The following SPECC1 variants were observed in gnomAD, a reference collection of about 807,000 sequenced individuals.
SPECC1 encodes sperm antigen with calponin homology and coiled-coil domains 1.
Under a neutral mutation model 104.1 loss-of-function variants are expected in SPECC1, and 62 were observed. That is an observed-to-expected ratio of 0.60 (90% CI 0.49 to 0.74). SPECC1 has a LOEUF of 0.74. Ranked by LOEUF, SPECC1 falls within the 30% of genes least tolerant of loss-of-function variation. The pLI, the probability that SPECC1 is intolerant of heterozygous loss-of-function variation, is 0.00. For missense variants in SPECC1, 1,306 were observed against 1,310.5 expected (o/e 1.00, Z 0.05); for synonymous variants, 513 against 501.6 (o/e 1.02, Z -0.30).
intron 3 of SPECC1, among the ~76,000 whole-genome samples, chr17:20,163,900 A>G (rs2033402978): frequency 6.6e-6 from 1 of 152,192 alleles, no homozygotes; most frequent in African/African-American, 2.4e-5. Flanking sequence ...TGTAGATGCA[A>G]GCTTTCCAAT....
intron 14 of SPECC1, 54 bp downstream of exon 14, chr17:20,306,136 T>G: frequency 6.5e-6 from 10 of 1,527,250 alleles, no homozygotes; most frequent in Non-Finnish European, 9.0e-6. Context: ...AGAAATGACT[T>G]TATGCCATCT....
rs778934063 is a variant in SPECC1, at chr17:20,205,419, C to T, written c.1370C>T (p.Thr457Ile). 2 of 1,614,046 alleles carry T rather than the reference C, an allele frequency of 1.2e-6. No homozygotes were observed. The highest frequency in any genetic ancestry group is 2.2e-5 in the East Asian group (1 of 44,878). Reference protein sequence around the residue: ...LQERVKNEEPTTQEGKIIELE... With the variant: ...LQERVKNEEPITQEGKIIELE... The stretch of plus-strand genomic sequence containing the variant: ...GAGCGAGTAAAGAATGAAGAGCCCA[C>T]CACTCAGGAAGGAAAAATTATTGAA... Residue 457 changes from threonine to isoleucine, a missense_variant, in exon 4 of 15, where the codon ACC becomes ATC. Thr to Ile is a moderately conservative substitution (Grantham distance 89, BLOSUM62 -1). Coordinates refer to ENST00000395527, the MANE Select transcript of SPECC1 (RefSeq NM_001243439.2).
chr17:20,190,013 A>G (rs1334184389), intron 3 of SPECC1, among the ~76,000 whole-genome samples: 1 of 152,132 alleles, frequency 6.6e-6, no homozygotes, highest in African/African-American at 2.4e-5. Flanking sequence ...ATTTGCAAAG[A>G]CAATTTCTAT....
At chr17:20,289,005 G>C (rs2041062581) in intron 12 of SPECC1, among the ~76,000 whole-genome samples, 1 of 151,910 alleles carries the variant, frequency 6.6e-6, no homozygotes, top group Non-Finnish European at 1.5e-5. Flanking sequence ...GGCTAGTCTT[G>C]AACTCCTGAC....
At chr17:20,310,894 G>A (rs1262349851) in intron 14 of SPECC1, among the ~76,000 whole-genome samples, 1 of 152,092 alleles carries the variant, frequency 6.6e-6, no homozygotes, top group African/African-American at 2.4e-5. Flanking sequence ...ACCATTTTGG[G>A]CATTTTTCAT....
intron 7 of SPECC1, among the ~76,000 whole-genome samples, chr17:20,232,717 AG>A (rs961287637): frequency 4.6e-5 from 7 of 152,210 alleles, no homozygotes; most frequent in African/African-American, 1.7e-4. Context: ...TTATTAATGC[AG>A]GGGAGTGCAC....
At chr17:20,198,467 A>C (rs892315367) in intron 3 of SPECC1, among the ~76,000 whole-genome samples, 2 of 152,214 alleles carry the variant, frequency 1.3e-5, no homozygotes, top group African/African-American at 4.8e-5. Context: ...TCAGCTCTTA[A>C]GTTTCCCCTT....
intron 1 of SPECC1, among the ~76,000 whole-genome samples, chr17:20,014,625 A>T (rs912048516): frequency 5.9e-5 from 9 of 152,156 alleles, no homozygotes; most frequent in Non-Finnish European, 1.2e-4. Flanking sequence ...ATATTGCTTT[A>T]TCTGCTGGTA....
chr17:20,247,422 A>G (rs757756438), intron 9 of SPECC1, 103 bp downstream of exon 9: 2 of 706,772 alleles, frequency 2.8e-6, no homozygotes, highest in Non-Finnish European at 4.7e-6. Flanking sequence ...GTGTGTGTGT[A>G]GAGTATGTGT....
chr17:20,030,123 C>T (rs1403733156), intron 1 of SPECC1, among the ~76,000 whole-genome samples: 3 of 152,130 alleles, frequency 2.0e-5, no homozygotes, highest in East Asian at 3.9e-4. Flanking sequence ...TGTGTTAAGC[C>T]ACTCAATTTG....
intron 1 of SPECC1, among the ~76,000 whole-genome samples, chr17:20,037,129 C>T (rs2045120555): frequency 6.6e-6 from 1 of 152,070 alleles, no homozygotes; most frequent in Non-Finnish European, 1.5e-5. Context: ...AATGTTGAAC[C>T]AGACTTGCGT....
chr17:20,082,214 A>G (rs573951865), intron 1 of SPECC1, among the ~76,000 whole-genome samples: 43 of 152,060 alleles, frequency 2.8e-4, no homozygotes, highest in Admixed American at 1.4e-3. Context: ...TCACATGTCA[A>G]CCTCCTACCC....
intron 3 of SPECC1, chr17:20,126,582 T>C (rs1424683397): frequency 6.6e-6 from 1 of 152,196 alleles, no homozygotes; most frequent in Non-Finnish European, 1.5e-5. Context: ...TGGTTTTCAG[T>C]TGATTCTCAG....
At chr17:20,313,931 T>A in intron 14 of SPECC1, 45 bp from the exon 15 acceptor site, 5 of 1,578,646 alleles carry the variant, frequency 3.2e-6, no homozygotes, top group Non-Finnish European at 3.5e-6. Context: ...AAGGGGTCTG[T>A]GATGTCCTGC....
At chr17:20,225,360 C>T (rs898125797) in intron 4 of SPECC1, among the ~76,000 whole-genome samples, 37 of 152,208 alleles carry the variant, frequency 2.4e-4, no homozygotes, top group Admixed American at 1.5e-3. Context: ...CCCTTGTGGC[C>T]TAGCCTCTTT....
intron 2 of SPECC1, among the ~76,000 whole-genome samples, chr17:20,099,549 G>T (rs543420342): frequency 6.8e-6 from 1 of 146,812 alleles, no homozygotes. Flanking sequence ...ATTAGCCTTA[G>T]CCGGGCGTGG....
chr17:20,090,076 A>G (rs2047338514), intron 1 of SPECC1, among the ~76,000 whole-genome samples: 1 of 152,104 alleles, frequency 6.6e-6, no homozygotes, highest in Admixed American at 6.5e-5. Context: ...CTAGGAGAAG[A>G]TTTTCTGGAG....
chr17:20,282,131 C>T (rs1005542292), intron 12 of SPECC1, among the ~76,000 whole-genome samples: 1 of 152,242 alleles, frequency 6.6e-6, no homozygotes, highest in Admixed American at 6.5e-5. Context: ...CAGTTAACCT[C>T]GGGGAAGAAA....
chr17:20,074,551 G>A (rs1180779917), intron 1 of SPECC1, among the ~76,000 whole-genome samples: 2 of 152,176 alleles, frequency 1.3e-5, no homozygotes, highest in Non-Finnish European at 2.9e-5. Context: ...CAGCGGTGCA[G>A]AAGGTCCACA....
Sources: allele counts gnomAD v4.1 joint callset (sites outside exome capture counted in the v4.1 genomes callset), GRCh38; gene constraint gnomAD v4.1.1; transcripts MANE v1.5; gene names NCBI Gene and HGNC (gene_info 2026-07-23, HGNC 2026-07-21).